The following HNF1B variants were observed in gnomAD, a reference collection of about 807,000 sequenced individuals.
The protein encoded by HNF1B is HNF1 homeobox B, also known as hepatocyte nuclear factor 1-beta.
HNF1B carries 8 observed loss-of-function variants against 61.7 expected under a neutral mutation model. That is an observed-to-expected ratio of 0.13 (90% CI 0.08 to 0.23). The LOEUF (loss-of-function observed/expected upper bound fraction) is 0.23. Ranked by LOEUF, HNF1B falls within the 10% of genes least tolerant of loss-of-function variation. The probability of loss-of-function intolerance (pLI) is 1.00; values close to 1 mark genes in which losing one functional copy is unlikely to be tolerated. For missense variants in HNF1B, 562 were observed against 714.5 expected (o/e 0.79, Z 2.43); for synonymous variants, 314 against 287.7 (o/e 1.09, Z -0.93).
At chr17:37,732,453 G>A (rs1176194525) in intron 3 of HNF1B, among the ~76,000 whole-genome samples, 1 of 152,212 alleles carries the variant, frequency 6.6e-6, no homozygotes, top group Non-Finnish European at 1.5e-5. Context: ...GTCGGGGTAT[G>A]GAGCACAGCC....
At chr17:37,735,272 C>G (rs2033800057) in intron 2 of HNF1B, among the ~76,000 whole-genome samples, 1 of 152,152 alleles carries the variant, frequency 6.6e-6, no homozygotes, top group African/African-American at 2.4e-5. Flanking sequence ...ACGTTTGAAT[C>G]CCCTCTACAA....
At position 37,698,987 on chromosome 17, in the gene HNF1B, C is replaced by T. The variant is rs9890418; in HGVS notation, c.1653+89G>A. 6.7e-3 allele frequency: 6,573 copies of T among 976,150 alleles called. 311 individuals are homozygous for T. The African/African-American group carries it at 0.091, about 13-fold the overall frequency. 60.5% of individuals were successfully genotyped at this position (976,150 alleles called of 1,614,324 possible). ...GCCTCAGAAGGACCTAATTTCTGGC[C>T]GAGTCCATGCTTGCCACAACCTCTG... On this transcript the variant is annotated intron_variant, in intron 8 of 8. Transcript: ENST00000617811.
At chr17:37,743,276 T>G (rs1036636391) in intron 1 of HNF1B, among the ~76,000 whole-genome samples, 1 of 152,150 alleles carries the variant, frequency 6.6e-6, no homozygotes, top group Admixed American at 6.5e-5. Flanking sequence ...TAGGGGCCAC[T>G]CTCTCGACCC....
chr17:37,707,767 CTCTT>C (rs1297162795), intron 5 of HNF1B, among the ~76,000 whole-genome samples: 4 of 147,202 alleles, frequency 2.7e-5, no homozygotes, highest in Non-Finnish European at 6.1e-5. Flanking sequence ...TTTGTTCTCT[CTCTT>C]TTTTTTTTTT....
chr17:37,706,044 C>T lies in HNF1B; in HGVS notation c.1207-995G>A, dbSNP rs185774807. On this transcript the variant is annotated intron_variant, in intron 5 of 8. Transcript: ENST00000617811. ...CATGATCTCTGCTCACTGCAACCTC[C>T]GCCTTGTGGGTTCAAGCAATTCTCC... Among the ~76,000 whole-genome samples the T allele has an allele frequency of 4.8e-3, 729 of 152,204 alleles. 1 individual carries two copies. The highest frequency in any genetic ancestry group is 6.3e-3 in the Non-Finnish European group (431 of 68,012).
intron 6 of HNF1B, among the ~76,000 whole-genome samples, chr17:37,704,162 G>A (rs1336216359): frequency 6.6e-6 from 1 of 152,188 alleles, no homozygotes; most frequent in Non-Finnish European, 1.5e-5. Flanking sequence ...AACTCTCAAA[G>A]AGATATCCAC....
At chr17:37,689,253 G>C (rs2032106341) in intron 8 of HNF1B, among the ~76,000 whole-genome samples, 1 of 151,224 alleles carries the variant, frequency 6.6e-6, no homozygotes, top group African/African-American at 2.4e-5. Flanking sequence ...AGGGTCCTCT[G>C]ATACCCTTTG....
At chr17:37,716,875 T>TCTCTCTCTCTCTCTCA (rs2033139465) in intron 4 of HNF1B, among the ~76,000 whole-genome samples, 1 of 136,062 alleles carries the variant, frequency 7.3e-6, no homozygotes, top group African/African-American at 2.9e-5. Flanking sequence ...TCTCTCTCTC[T>TCTCTCTCTCTCTCTCA]CTCTCTCTCT....
chr17:37,711,934 G>A (rs1482878218), intron 4 of HNF1B, among the ~76,000 whole-genome samples: 1 of 152,092 alleles, frequency 6.6e-6, no homozygotes, highest in Non-Finnish European at 1.5e-5. Context: ...TCCCCCAGGG[G>A]CCAGGCACTG....
intron 8 of HNF1B, among the ~76,000 whole-genome samples, chr17:37,688,704 C>T (rs1423736593): frequency 6.6e-6 from 1 of 152,150 alleles, no homozygotes; most frequent in Admixed American, 6.5e-5. Flanking sequence ...TCTCTCTGTG[C>T]CTCAGTTTCT....
At position 37,714,251 on chromosome 17, in the gene HNF1B, CT is replaced by C. The variant is rs370395202; in HGVS notation, c.1046-3589del. 2.6e-5 allele frequency among the ~76,000 whole-genome samples: 4 copies of C among 152,334 alleles called. No homozygotes were observed. In the East Asian group the frequency reaches 7.7e-4, roughly 29 times the overall value. ...CAATTCCTCCTACTTTGGCACTGTC[CT>C]TGTTTAAAAGACATTTTTAGGAAGG... On this transcript the variant is annotated intron_variant, in intron 4 of 8. Transcript: ENST00000617811.
chr17:37,705,147 G>T, intron 5 of HNF1B, 98 bp from the exon 6 acceptor site: 1 of 1,246,114 alleles, frequency 8.0e-7, no homozygotes, highest in Non-Finnish European at 1.1e-6. Context: ...GGCATGACTA[G>T]TTCTCAAATT....
At chr17:37,690,560 ATGGGAGTG>A (rs2032165292) in intron 8 of HNF1B, among the ~76,000 whole-genome samples, 1 of 152,148 alleles carries the variant, frequency 6.6e-6, no homozygotes, top group African/African-American at 2.4e-5. Flanking sequence ...GGCAGTCCTG[ATGGGAGTG>A]TGAGAAGAGG....
intron 8 of HNF1B, among the ~76,000 whole-genome samples, chr17:37,697,009 GACA>G (rs1185717415): frequency 6.6e-6 from 1 of 152,146 alleles, no homozygotes; most frequent in Non-Finnish European, 1.5e-5. Flanking sequence ...TGACCACAAA[GACA>G]ACAAGAGTGG....
chr17:37,733,242 TG>T (rs893502759), intron 3 of HNF1B, among the ~76,000 whole-genome samples: 2 of 152,220 alleles, frequency 1.3e-5, no homozygotes, highest in Non-Finnish European at 2.9e-5. Flanking sequence ...GAATAATTCA[TG>T]GGGTTGTTTG....
intron 6 of HNF1B, 82 bp downstream of exon 6, chr17:37,704,835 A>G: frequency 1.3e-6 from 2 of 1,493,294 alleles, no homozygotes; most frequent in Non-Finnish European, 1.9e-6. Flanking sequence ...AAGGAGACCT[A>G]CAGTTATTTT....
chr17:37,742,559 G>A (rs1447829261), intron 1 of HNF1B, among the ~76,000 whole-genome samples: 1 of 152,120 alleles, frequency 6.6e-6, no homozygotes, highest in Non-Finnish European at 1.5e-5. Flanking sequence ...GGCGCTCCCG[G>A]GAGCGGGGGA....
At chr17:37,740,569 T>G (rs1390954967) in intron 1 of HNF1B, among the ~76,000 whole-genome samples, 1 of 152,156 alleles carries the variant, frequency 6.6e-6, no homozygotes, top group East Asian at 1.9e-4. Flanking sequence ...TTAGAAAAGT[T>G]TTCCAAAATA....
chr17:37,710,331 C>T lies in HNF1B; in HGVS notation c.1206+172G>A, dbSNP rs972260239. Among the ~76,000 whole-genome samples, 4 of 152,348 alleles carry T rather than the reference C, an allele frequency of 2.6e-5. No homozygotes were observed. In the East Asian group the frequency reaches 7.7e-4, roughly 29 times the overall value. On this transcript the variant is annotated intron_variant, in intron 5 of 8. Transcript: ENST00000617811. Reference sequence around the variant, plus strand: ...GTTCAAACCGAACACCTCTTCTACCCGCCAAAGGCTGGGTCACCAGCACTA... The same window carrying T: ...GTTCAAACCGAACACCTCTTCTACCTGCCAAAGGCTGGGTCACCAGCACTA...
Sources: gnomAD v4.1 joint callset for allele counts (sites outside exome capture counted in the v4.1 genomes callset) on GRCh38, gnomAD v4.1.1 for gene constraint, MANE v1.5 for transcripts, NCBI Gene and HGNC (gene_info 2026-07-23, HGNC 2026-07-21) for gene names.